PIAS1: variants seen among roughly 807,000 people sequenced by gnomAD.
The protein encoded by PIAS1 is protein inhibitor of activated STAT 1, also known as E3 SUMO-protein ligase PIAS1.
PIAS1 carries 6 observed loss-of-function variants against 71.3 expected under a neutral mutation model. The ratio of observed to expected loss-of-function variants is 0.08; its 90% CI spans 0.05 to 0.17. The LOEUF is 0.17. Ranked by LOEUF, PIAS1 falls within the 10% of genes least tolerant of loss-of-function variation. The pLI is 1.00. For synonymous variants in PIAS1, 303 were observed against 292.9 expected (o/e 1.03, Z -0.35); for missense variants, 555 against 793.6 (o/e 0.70, Z 3.61).
chr15:68,113,573 A>G (rs1197504847), intron 2 of PIAS1, among the ~76,000 whole-genome samples: 1 of 152,032 alleles, frequency 6.6e-6, no homozygotes. Context: ...CATACTTTTA[A>G]CTCCTGAGCT....
rs1014400563 is a variant in PIAS1, at chr15:68,162,599, G to C, written c.935-2132G>C. On this transcript the variant is annotated intron_variant, in intron 7 of 13. Transcript: ENST00000249636. ...AGGCCATCAGCAAGCTGGAGAACCA[G>C]CGAAGCCAGTAATGTGACTATTGAA... Among the ~76,000 whole-genome samples, 3 of 152,202 alleles carry C rather than the reference G, an allele frequency of 2.0e-5. No individual in the cohort carries two copies. In the East Asian group the frequency reaches 5.8e-4, roughly 29 times the overall value.
intron 8 of PIAS1, among the ~76,000 whole-genome samples, chr15:68,172,210 A>G (rs2092995730): frequency 6.6e-6 from 1 of 152,174 alleles, no homozygotes; most frequent in South Asian, 2.1e-4. Flanking sequence ...GATGGTTTCC[A>G]GCTTCATCCA....
In PIAS1 at chr15:68,172,273, ATGG is replaced by A. The variant is rs368984345; in HGVS notation, c.1009-1457_1009-1455del. On this transcript the variant is annotated intron_variant, in intron 8 of 13. Coordinates refer to ENST00000249636, the MANE Select transcript of PIAS1 (RefSeq NM_016166.3). ...CTTTTTTATGGCTGCATAGTATTCCATGGTATATATGTGCCACATTTTCTTAAT... is the reference window on the plus strand; with the variant it reads ...CTTTTTTATGGCTGCATAGTATTCCATATATATGTGCCACATTTTCTTAAT... Among the ~76,000 whole-genome samples, 36 of 152,298 alleles carry A rather than the reference ATGG, an allele frequency of 2.4e-4. No homozygotes were observed. The East Asian group carries it at 3.3e-3, about 14-fold the overall frequency.
intron 2 of PIAS1, among the ~76,000 whole-genome samples, chr15:68,127,382 C>G (rs2092658312): frequency 6.6e-6 from 1 of 152,172 alleles, no homozygotes; most frequent in Admixed American, 6.5e-5. Flanking sequence ...CTGATAACTT[C>G]ATAAGCAGGT....
At chr15:68,134,466 A>C (rs2092706040) in intron 2 of PIAS1, among the ~76,000 whole-genome samples, 1 of 51,580 alleles carries the variant, frequency 1.9e-5, no homozygotes, top group African/African-American at 4.1e-5. Flanking sequence ...CACCTCCCGG[A>C]CGGGGCGGCT....
intron 2 of PIAS1, among the ~76,000 whole-genome samples, chr15:68,106,818 C>T (rs764109518): frequency 1.3e-5 from 2 of 152,162 alleles, no homozygotes; most frequent in Non-Finnish European, 1.5e-5. Flanking sequence ...AATTCTTAAT[C>T]GATTACAATA....
At chr15:68,089,003 G>A (rs1470809003) in intron 2 of PIAS1, among the ~76,000 whole-genome samples, 1 of 152,092 alleles carries the variant, frequency 6.6e-6, no homozygotes, top group Non-Finnish European at 1.5e-5. Flanking sequence ...ACACCAGCTG[G>A]CTAGTTGATC....
chr15:68,163,960 T>C (rs1439308190), intron 7 of PIAS1, among the ~76,000 whole-genome samples: 1 of 152,216 alleles, frequency 6.6e-6, no homozygotes, highest in African/African-American at 2.4e-5. Flanking sequence ...AGCTAAGGTT[T>C]CCAGATGAGA....
chr15:68,140,188 T>C (rs1041008858), intron 2 of PIAS1, among the ~76,000 whole-genome samples: 7 of 152,222 alleles, frequency 4.6e-5, no homozygotes, highest in East Asian at 1.9e-4. Flanking sequence ...ATTTTAGTTA[T>C]ATCTTCTCTT....
intron 1 of PIAS1, among the ~76,000 whole-genome samples, chr15:68,084,712 T>C (rs1215514322): frequency 6.6e-6 from 1 of 152,196 alleles, no homozygotes; most frequent in Non-Finnish European, 1.5e-5. Flanking sequence ...TTGAAGAGTT[T>C]CCACTGTTGT....
intron 1 of PIAS1, among the ~76,000 whole-genome samples, chr15:68,069,151 C>G (rs959664250): frequency 1.3e-5 from 2 of 152,104 alleles, no homozygotes; most frequent in East Asian, 3.9e-4. Context: ...ACCTCAGCCT[C>G]CCAAAGTGCT....
At chr15:68,087,068 CACT>C (rs1473102300) in intron 2 of PIAS1, among the ~76,000 whole-genome samples, 2 of 152,106 alleles carry the variant, frequency 1.3e-5, no homozygotes, top group African/African-American at 2.4e-5. Context: ...CCAAATGAAT[CACT>C]ACAAGTCTCT....
chr15:68,148,865 G>A (rs994619396), intron 6 of PIAS1, among the ~76,000 whole-genome samples: 1 of 152,220 alleles, frequency 6.6e-6, no homozygotes, highest in Non-Finnish European at 1.5e-5. Flanking sequence ...TCTTGTGGAA[G>A]TATTAGTGAA....
At chr15:68,057,551 A>T (rs1368659836) in intron 1 of PIAS1, 1 of 424,506 alleles carries the variant, frequency 2.4e-6, no homozygotes, top group Non-Finnish European at 4.6e-6. Context: ...TGGGAAGAGA[A>T]ACCATAATTA....
At chr15:68,164,527 A>T (rs1475437519) in intron 7 of PIAS1, among the ~76,000 whole-genome samples, 1 of 152,222 alleles carries the variant, frequency 6.6e-6, no homozygotes, top group Non-Finnish European at 1.5e-5. Flanking sequence ...TAGGAAACAT[A>T]GTCATTCTAC....
intron 8 of PIAS1, among the ~76,000 whole-genome samples, chr15:68,165,565 G>A (rs2092952594): frequency 6.6e-6 from 1 of 152,014 alleles, no homozygotes; most frequent in Admixed American, 6.6e-5. Flanking sequence ...TGCTGAATTT[G>A]TTATACATAT....
intron 2 of PIAS1, among the ~76,000 whole-genome samples, chr15:68,118,384 T>C (rs2092583999): frequency 6.6e-6 from 1 of 152,064 alleles, no homozygotes; most frequent in Middle Eastern, 3.2e-3. Flanking sequence ...TCTCCGAGGC[T>C]AGAGTGCGGT....
At position 68,181,444 on chromosome 15, in the gene PIAS1, T is replaced by A. The variant is rs1211475759; in HGVS notation, c.1624+90T>A. The A allele has an allele frequency of 1.1e-5, 14 of 1,316,434 alleles. No homozygotes were observed. In the Admixed American group the frequency reaches 2.5e-4, roughly 24 times the overall value. The allele number at this position is 1,316,434 out of a possible 1,614,324, so 81.5% of individuals were successfully genotyped here. Reference sequence around the variant, plus strand: ...CTTCTAGGTGAATCTAAGGAAGAACTGGAAGACTGAGCCAACAGGGCCTTG... The same window carrying A: ...CTTCTAGGTGAATCTAAGGAAGAACAGGAAGACTGAGCCAACAGGGCCTTG... On this transcript the variant is annotated intron_variant, in intron 12 of 13. Coordinates refer to ENST00000249636, the MANE Select transcript of PIAS1 (RefSeq NM_016166.3).
chr15:68,136,817 A>G (rs2092736990), intron 2 of PIAS1, among the ~76,000 whole-genome samples: 1 of 152,232 alleles, frequency 6.6e-6, no homozygotes, highest in Non-Finnish European at 1.5e-5. Flanking sequence ...AAAAAATTGT[A>G]GCAGACTGGA....
Sources: allele counts gnomAD v4.1 joint callset (sites outside exome capture counted in the v4.1 genomes callset), GRCh38; gene constraint gnomAD v4.1.1; transcripts MANE v1.5; gene names NCBI Gene and HGNC (gene_info 2026-07-23, HGNC 2026-07-21).